The following SIPA1L1 variants were observed in gnomAD, a reference collection of about 807,000 sequenced individuals.
SIPA1L1 encodes signal-induced proliferation-associated 1-like protein 1.
Under a neutral mutation model 162.7 loss-of-function variants are expected in SIPA1L1, and 26 were observed. The observed-to-expected ratio is 0.16, with a 90% CI of 0.12 to 0.22. The LOEUF is 0.22. Ranked by LOEUF, SIPA1L1 falls within the 10% of genes least tolerant of loss-of-function variation. The pLI is 1.00. For missense variants in SIPA1L1, 1,874 were observed against 2,241.0 expected, an observed-to-expected ratio of 0.84 and a Z score of 3.31; for synonymous variants, 829 against 837.4, an observed-to-expected ratio of 0.99 and a Z score of 0.17.
chr14:71,564,187 G>A (rs138212151), intron 4 of SIPA1L1, among the ~76,000 whole-genome samples: 27 of 152,090 alleles, frequency 1.8e-4, no homozygotes, highest in Non-Finnish European at 3.5e-4. Context: ...GGGCTCAATC[G>A]ATCCTCTTGC....
At chr14:71,644,148 T>C (rs892363890) in intron 7 of SIPA1L1, among the ~76,000 whole-genome samples, 3 of 152,030 alleles carry the variant, frequency 2.0e-5, no homozygotes, top group African/African-American at 7.2e-5. Flanking sequence ...ATGTGGAATC[T>C]GAAATCATGA....
rs904437343 is a variant in SIPA1L1, at chr14:71,619,911, CAT to C, written c.1629+1026_1629+1027del. ...CACTGGCCAGAGAGAAATGAACTAA[CAT>C]ACTCTCATGTGCTTTTTCTCCATGG... On this transcript the variant is annotated intron_variant, in intron 6 of 23. Transcript: ENST00000381232. Among the ~76,000 whole-genome samples the C allele has an allele frequency of 1.4e-4, 21 of 152,318 alleles. No homozygotes were observed. The South Asian group carries it at 2.5e-3, about 18-fold the overall frequency.
intron 2 of SIPA1L1, among the ~76,000 whole-genome samples, chr14:71,333,287 C>A (rs989869619): frequency 6.6e-6 from 1 of 152,130 alleles, no homozygotes; most frequent in Non-Finnish European, 1.5e-5. Context: ...ATGGTAACAT[C>A]ATGTCACTGA....
chr14:71,330,411 T>C (rs2034385133), intron 2 of SIPA1L1: 3 of 1,296,940 alleles, frequency 2.3e-6, no homozygotes, highest in African/African-American at 1.5e-5. Flanking sequence ...TTTCACGAGC[T>C]GTCTTCAGGA....
chr14:71,382,468 A>G (rs35866366), intron 2 of SIPA1L1, among the ~76,000 whole-genome samples: 30,269 of 152,222 alleles, frequency 0.2, 3,322 homozygotes, highest in Middle Eastern at 0.36. Flanking sequence ...ACAAATTTAC[A>G]TTAGAACTTG....
At chr14:71,504,914 A>T (rs1028061676) in intron 2 of SIPA1L1, among the ~76,000 whole-genome samples, 1 of 152,174 alleles carries the variant, frequency 6.6e-6, no homozygotes, top group East Asian at 1.9e-4. Flanking sequence ...TTTTAAGAAG[A>T]TATGAAAATT....
intron 5 of SIPA1L1, among the ~76,000 whole-genome samples, chr14:71,596,639 G>A (rs2036067328): frequency 6.6e-6 from 1 of 152,136 alleles, no homozygotes; most frequent in Admixed American, 6.5e-5. Context: ...AGTGTCTGGA[G>A]GAGAACAAAT....
chr14:71,393,275 A>AG (rs2040912734), intron 2 of SIPA1L1, among the ~76,000 whole-genome samples: 1 of 152,266 alleles, frequency 6.6e-6, no homozygotes, highest in African/African-American at 2.4e-5. Context: ...GGTCTAAAAA[A>AG]GGGTAAAATG....
chr14:71,560,425 TC>T (rs2056696644), intron 4 of SIPA1L1, among the ~76,000 whole-genome samples: 1 of 152,190 alleles, frequency 6.6e-6, no homozygotes, highest in African/African-American at 2.4e-5. Flanking sequence ...CTGTTGCTCT[TC>T]TAGGTACCAT....
intron 12 of SIPA1L1, among the ~76,000 whole-genome samples, chr14:71,684,965 TGTG>T (rs890506131): frequency 2.0e-5 from 3 of 151,488 alleles, no homozygotes; most frequent in East Asian, 3.9e-4. Context: ...AGAACCCAGT[TGTG>T]GTGTGCAGTG....
chr14:71,520,370 T>C (rs1028652207), intron 3 of SIPA1L1, among the ~76,000 whole-genome samples: 8 of 152,242 alleles, frequency 5.3e-5, no homozygotes, highest in African/African-American at 1.9e-4. Flanking sequence ...TTCTGTGATA[T>C]TCTTGCTAGT....
intron 2 of SIPA1L1, among the ~76,000 whole-genome samples, chr14:71,412,297 G>T (rs2042462279): frequency 6.6e-6 from 1 of 152,178 alleles, no homozygotes; most frequent in South Asian, 2.1e-4. Flanking sequence ...AACATTATGA[G>T]ACTTTATTGC....
intron 2 of SIPA1L1, among the ~76,000 whole-genome samples, chr14:71,364,517 G>A (rs887524836): frequency 6.6e-6 from 1 of 152,100 alleles, no homozygotes; most frequent in African/African-American, 2.4e-5. Flanking sequence ...TGTGTTGTGT[G>A]TGTCACTAAT....
At position 71,740,952 on chromosome 14, in the gene SIPA1L1, AT is replaced by A. The variant is rs1294339609; in HGVS notation, c.*1793del. 5 of 152,178 alleles carry A rather than the reference AT, an allele frequency of 3.3e-5. No individual in the cohort carries two copies. The highest frequency in any genetic ancestry group is 7.4e-5 in the Non-Finnish European group (5 of 68,020). The allele number at this position is 152,178 out of a possible 1,614,324, so 9.4% of individuals were successfully genotyped here. ...TTTGGGGACTTGGGGCAAGCTATTT[AT>A]TAGAGTTTTGCAACAGAGTTCTTGT... On this transcript the variant is annotated 3_prime_UTR_variant, in exon 24 of 24. Transcript: ENST00000381232.
At chr14:71,461,304 C>T (rs983862311) in intron 2 of SIPA1L1, among the ~76,000 whole-genome samples, 5 of 152,134 alleles carry the variant, frequency 3.3e-5, no homozygotes, top group African/African-American at 7.2e-5. Context: ...CAGAAGTGGC[C>T]GTAGCCAGGA....
chr14:71,590,196 A>G (rs1274335176), intron 5 of SIPA1L1, among the ~76,000 whole-genome samples: 1 of 151,776 alleles, frequency 6.6e-6, no homozygotes, highest in South Asian at 2.1e-4. Flanking sequence ...AAGTAGTATA[A>G]GTGAACCCTT....
chr14:71,559,682 C>A (rs936203389), intron 4 of SIPA1L1, among the ~76,000 whole-genome samples: 1 of 152,174 alleles, frequency 6.6e-6, no homozygotes, highest in African/African-American at 2.4e-5. Flanking sequence ...CATGAGTATG[C>A]TTTTAACCTG....
chr14:71,707,790 G>T (rs1231841974), intron 16 of SIPA1L1, among the ~76,000 whole-genome samples: 4 of 151,674 alleles, frequency 2.6e-5, no homozygotes, highest in African/African-American at 9.7e-5. Flanking sequence ...AATGAAACAT[G>T]CCTTTTTATT....
At chr14:71,362,627 A>C (rs1212030315) in intron 2 of SIPA1L1, among the ~76,000 whole-genome samples, 1 of 152,212 alleles carries the variant, frequency 6.6e-6, no homozygotes, top group African/African-American at 2.4e-5. Flanking sequence ...TGCATTGTAC[A>C]TGTATCTCAA....
Sources: gnomAD v4.1 joint callset for allele counts (sites outside exome capture counted in the v4.1 genomes callset) on GRCh38, gnomAD v4.1.1 for gene constraint, MANE v1.5 for transcripts, NCBI Gene and HGNC (gene_info 2026-07-23, HGNC 2026-07-21) for gene names.